The following GRM5 variants were observed in gnomAD, a reference collection of about 807,000 sequenced individuals.
GRM5 encodes the protein glutamate metabotropic receptor 5.
GRM5 carries 19 observed loss-of-function variants against 83.1 expected under a neutral mutation model. The observed-to-expected ratio is 0.23, with a 90% CI of 0.16 to 0.34. The LOEUF is 0.34. GRM5 is among the 10% of genes least tolerant of loss of function. The probability of loss-of-function intolerance (pLI) is 1.00; values close to 1 mark genes in which losing one functional copy is unlikely to be tolerated. For missense variants in GRM5, 1,160 were observed against 1,588.3 expected (o/e 0.73, Z 4.58); for synonymous variants, 675 against 633.6 (o/e 1.07, Z -0.98).
At chr11:89,001,157 G>GA (rs1314146280) in intron 2 of GRM5, among the ~76,000 whole-genome samples, 8 of 149,480 alleles carry the variant, frequency 5.4e-5, no homozygotes, top group Non-Finnish European at 7.4e-5. Flanking sequence ...TTTCTTGGTG[G>GA]AAAAAAAAAT....
At chr11:88,906,964 A>T (rs1158621876) in intron 2 of GRM5, among the ~76,000 whole-genome samples, 1 of 152,148 alleles carries the variant, frequency 6.6e-6, no homozygotes, top group Admixed American at 6.6e-5. Context: ...GTAACAGGTT[A>T]TATTTTGCCT....
At chr11:88,758,520 A>G (rs530845384) in intron 3 of GRM5, among the ~76,000 whole-genome samples, 3 of 152,364 alleles carry the variant, frequency 2.0e-5, no homozygotes, top group East Asian at 3.9e-4. Flanking sequence ...TTCTGAAATA[A>G]GACAGTCAGA....
chr11:88,993,089 AC>A (rs1241335048), intron 2 of GRM5, among the ~76,000 whole-genome samples: 1 of 151,578 alleles, frequency 6.6e-6, no homozygotes, highest in Admixed American at 6.6e-5. Context: ...ACATAGTGAA[AC>A]CCACCTCTAC....
chr11:88,891,335 G>A (rs1220277509), intron 2 of GRM5, among the ~76,000 whole-genome samples: 3 of 151,922 alleles, frequency 2.0e-5, no homozygotes, highest in African/African-American at 7.3e-5. Flanking sequence ...ATGACTATCT[G>A]GAATTCTATT....
rs558450424 is a variant in GRM5, at chr11:88,861,431, G to A, written c.662-11276C>T. On this transcript the variant is annotated intron_variant, in intron 2 of 9. Transcript: ENST00000305447. The stretch of plus-strand genomic sequence containing the variant: ...CCCATCCTTCAAGAGTTGGCTGAAA[G>A]TGACAGAATTCTCTAAATTAAGTTT... Among the ~76,000 whole-genome samples, 12 of 151,026 alleles carry A rather than the reference G, an allele frequency of 7.9e-5. No individual in the cohort carries two copies. The East Asian group carries it at 2.3e-3, about 29-fold the overall frequency.
At chr11:88,918,579 CACAG>C (rs1292575390) in intron 2 of GRM5, among the ~76,000 whole-genome samples, 1 of 151,956 alleles carries the variant, frequency 6.6e-6, no homozygotes, top group African/African-American at 2.4e-5. Context: ...GAAATAAGTA[CACAG>C]ACAAATATAA....
chr11:88,786,886 G>A (rs866707298), intron 3 of GRM5, among the ~76,000 whole-genome samples: 1 of 151,950 alleles, frequency 6.6e-6, no homozygotes, highest in African/African-American at 2.4e-5. Flanking sequence ...AAGAGCTTCT[G>A]GCACATAAGA....
intron 8 of GRM5, among the ~76,000 whole-genome samples, chr11:88,539,071 T>C (rs1942204235): frequency 6.6e-6 from 1 of 152,182 alleles, no homozygotes; most frequent in African/African-American, 2.4e-5. Flanking sequence ...GAAGACTGAT[T>C]CCTCTGTGAT....
chr11:89,010,109 C>A (rs573729789), intron 2 of GRM5, among the ~76,000 whole-genome samples: 1 of 150,392 alleles, frequency 6.6e-6, no homozygotes, highest in East Asian at 1.9e-4. Flanking sequence ...ATATACATTA[C>A]AAAGGATTGA....
chr11:88,744,480 G>A (rs1344678918), intron 3 of GRM5, among the ~76,000 whole-genome samples: 3 of 152,130 alleles, frequency 2.0e-5, no homozygotes, highest in Non-Finnish European at 4.4e-5. Context: ...CCCAGGAGTG[G>A]GGAATGGAAG....
At chr11:88,924,118 T>TTTGATTA (rs1454577179) in intron 2 of GRM5, among the ~76,000 whole-genome samples, 1 of 127,114 alleles carries the variant, frequency 7.9e-6, no homozygotes, top group Non-Finnish European at 1.7e-5. Context: ...CTCACACCTG[T>TTTGATTA]TAGTATAGCT....
intron 2 of GRM5, among the ~76,000 whole-genome samples, chr11:88,954,904 G>A (rs943221769): frequency 6.6e-6 from 1 of 152,136 alleles, no homozygotes; most frequent in Admixed American, 6.5e-5. Flanking sequence ...AATGGCAAGG[G>A]CTAAGGATTA....
chr11:88,720,741 T>G (rs148126497), intron 3 of GRM5, among the ~76,000 whole-genome samples: 19 of 151,880 alleles, frequency 1.3e-4, no homozygotes, highest in African/African-American at 4.3e-4. Flanking sequence ...ATGTGCCCTG[T>G]GCAAAAGCCA....
At chr11:88,748,689 C>T (rs995999666) in intron 3 of GRM5, among the ~76,000 whole-genome samples, 1 of 152,082 alleles carries the variant, frequency 6.6e-6, no homozygotes, top group Admixed American at 6.6e-5. Context: ...CAGGTGAATG[C>T]AGGCTGGCAA....
At chr11:88,765,027 A>G (rs1942600985) in intron 3 of GRM5, among the ~76,000 whole-genome samples, 1 of 151,566 alleles carries the variant, frequency 6.6e-6, no homozygotes, top group Non-Finnish European at 1.5e-5. Flanking sequence ...GACATGATGA[A>G]AAATTCTAGG....
At chr11:88,589,939 A>G (rs1367811171) in intron 7 of GRM5, among the ~76,000 whole-genome samples, 1 of 152,182 alleles carries the variant, frequency 6.6e-6, no homozygotes, top group East Asian at 1.9e-4. Flanking sequence ...GGAAGACAGT[A>G]TGAAAGGAAT....
chr11:88,700,178 G>A (rs1044237586), intron 3 of GRM5, among the ~76,000 whole-genome samples: 1 of 152,194 alleles, frequency 6.6e-6, no homozygotes, highest in East Asian at 1.9e-4. Flanking sequence ...CACCCAGAAA[G>A]ACTGGGGAAA....
intron 2 of GRM5, among the ~76,000 whole-genome samples, chr11:88,917,145 CAT>C (rs1489183222): frequency 6.6e-6 from 1 of 152,170 alleles, no homozygotes; most frequent in Non-Finnish European, 1.5e-5. Context: ...TACGAAGAGA[CAT>C]AGAGACACTG....
chr11:88,643,983 G>A (rs1939371076), intron 4 of GRM5, among the ~76,000 whole-genome samples: 1 of 152,170 alleles, frequency 6.6e-6, no homozygotes, highest in African/African-American at 2.4e-5. Context: ...TACTTTAAGA[G>A]AAGAAGAAAC....
Sources: allele counts gnomAD v4.1 joint callset (sites outside exome capture counted in the v4.1 genomes callset), GRCh38; gene constraint gnomAD v4.1.1; transcripts MANE v1.5; gene names NCBI Gene and HGNC (gene_info 2026-07-23, HGNC 2026-07-21).